The following EXTL3 variants were observed in gnomAD, a reference collection of about 807,000 sequenced individuals.
EXTL3 encodes the protein exostosin-like 3.
Under a neutral mutation model 69.3 loss-of-function variants are expected in EXTL3, and 27 were observed. The ratio of observed to expected loss-of-function variants is 0.39; its 90% CI spans 0.29 to 0.54. The LOEUF (loss-of-function observed/expected upper bound fraction) is 0.54. Ranked by LOEUF, EXTL3 falls within the 20% of genes least tolerant of loss-of-function variation. The pLI is 0.69. For missense variants in EXTL3, 1,003 were observed against 1,231.8 expected (o/e 0.81, Z 2.78); for synonymous variants, 511 against 499.4 (o/e 1.02, Z -0.31).
At chr8:28,719,030 T>C (rs1231165434) in intron 3 of EXTL3, among the ~76,000 whole-genome samples, 1 of 152,188 alleles carries the variant, frequency 6.6e-6, no homozygotes, top group African/African-American at 2.4e-5. Flanking sequence ...AGAGCAGGTC[T>C]TAAGCAGACT....
chr8:28,728,216 T>TA (rs1249298629), intron 3 of EXTL3, among the ~76,000 whole-genome samples: 1 of 152,240 alleles, frequency 6.6e-6, no homozygotes, highest in Admixed American at 6.5e-5. Flanking sequence ...AGATGTGTCT[T>TA]ACAATGGATG....
intron 1 of EXTL3, among the ~76,000 whole-genome samples, chr8:28,680,736 C>T (rs1807475063): frequency 6.6e-6 from 1 of 152,320 alleles, no homozygotes; most frequent in Admixed American, 6.5e-5. Flanking sequence ...TCCTCACAAC[C>T]ACCATTCTAT....
At chr8:28,746,962 C>G (rs1801901182) in intron 6 of EXTL3, among the ~76,000 whole-genome samples, 1 of 152,014 alleles carries the variant, frequency 6.6e-6, no homozygotes, top group Non-Finnish European at 1.5e-5. Flanking sequence ...GTGTGAGCCA[C>G]CGCACCCAGC....
upstream of EXTL3, among the ~76,000 whole-genome samples, chr8:28,622,537 C>T (rs986318028): frequency 1.7e-5 from 2 of 116,902 alleles, no homozygotes; most frequent in Non-Finnish European, 3.4e-5. Flanking sequence ...AGGAAAGGGC[C>T]GGGAGCCGAC....
intron 3 of EXTL3, among the ~76,000 whole-genome samples, chr8:28,725,745 A>C (rs2130760034): frequency 6.6e-6 from 1 of 152,316 alleles, no homozygotes; most frequent in East Asian, 1.9e-4. Flanking sequence ...TCTAATAGCA[A>C]TATGCTGTAG....
upstream of EXTL3, among the ~76,000 whole-genome samples, chr8:28,622,473 A>C (rs1806427272): frequency 6.6e-6 from 1 of 151,890 alleles, no homozygotes; most frequent in Admixed American, 6.5e-5. Flanking sequence ...TCTTGAACCC[A>C]GCTGCGGGGC....
rs1802093323 is a variant in EXTL3 at position 28,755,192 on chromosome 8, C to A, written c.*4326C>A. 6.6e-6 allele frequency: 1 copy of A among 152,250 alleles called. No individual in the cohort carries two copies. The highest frequency in any genetic ancestry group is 1.5e-5 in the Non-Finnish European group (1 of 68,072). 9.4% of individuals were successfully genotyped at this position (152,250 alleles called of 1,614,324 possible). ...TAAAATAGTGTCCACTTCTTCATGG[C>A]TCTTTCTGCCTTCCGCTAGGTTTGA... On this transcript the variant is annotated 3_prime_UTR_variant, in exon 7 of 7. Coordinates refer to ENST00000220562, the MANE Select transcript of EXTL3 (RefSeq NM_001440.4).
At position 28,715,918 on chromosome 8, in the gene EXTL3, C is replaced by T. The variant is rs1360753463; in HGVS notation, c.-142C>T. ...CTGCAGCTGAGGAAAATGAAATGTTCATTTTATTTGGTGCCTTGTCTGGGG... is the reference window on the plus strand; with the variant it reads ...CTGCAGCTGAGGAAAATGAAATGTTTATTTTATTTGGTGCCTTGTCTGGGG... On this transcript the variant is annotated 5_prime_UTR_variant, in exon 3 of 7. Transcript: ENST00000220562. 3.0e-6 allele frequency: 2 copies of T among 667,548 alleles called. No individual in the cohort carries two copies. Among genetic ancestry groups the T allele is most frequent in the Non-Finnish European group, 5.1e-6 (2 of 393,736 alleles). 41.4% of individuals were successfully genotyped at this position (667,548 alleles called of 1,614,324 possible).
chr8:28,611,168 G>A lies in EXTL3; in HGVS notation n.314+3410G>A, dbSNP rs186808456. Among the ~76,000 whole-genome samples the A allele has an allele frequency of 1.5e-3, 221 of 152,302 alleles. 1 individual carries two copies. Among genetic ancestry groups the A allele is most frequent in the African/African-American group, 5.1e-3 (212 of 41,560 alleles). ...GGGACATTAAAAAACTGATTATTAGGATGGGTGCAGTGGCTCAGGCCTGTA... is the reference window on the plus strand; with the variant it reads ...GGGACATTAAAAAACTGATTATTAGAATGGGTGCAGTGGCTCAGGCCTGTA... On this transcript the variant is annotated intron_variant and non_coding_transcript_variant, in intron 2 of 4. Transcript: ENST00000522725.
chr8:28,735,484 C>A (rs1801631650), intron 4 of EXTL3, among the ~76,000 whole-genome samples: 4 of 152,134 alleles, frequency 2.6e-5, no homozygotes, highest in African/African-American at 9.7e-5. Context: ...TAATGGGAAG[C>A]CTTTTAATGT....
At chr8:28,683,138 T>C (rs1238136321) in intron 1 of EXTL3, among the ~76,000 whole-genome samples, 3 of 152,220 alleles carry the variant, frequency 2.0e-5, no homozygotes, top group Non-Finnish European at 2.9e-5. Context: ...TTCATAGCAG[T>C]ACCATGCTAT....
intron 4 of EXTL3, among the ~76,000 whole-genome samples, chr8:28,733,651 G>C (rs1255324294): frequency 6.7e-6 from 1 of 149,690 alleles, no homozygotes; most frequent in African/African-American, 2.5e-5. Flanking sequence ...CCCAAGTGCT[G>C]GGATTACAGG....
rs1475394558 is a variant in EXTL3, at chr8:28,754,461, T to C, written c.*3595T>C. On this transcript the variant is annotated 3_prime_UTR_variant, in exon 7 of 7. Transcript: ENST00000220562. ...GGGGTTCACGACTGATCAGGCAAGT[T>C]TGCAGCAGCTGATGGGTGAGATGTC... 3 of 152,352 alleles carry C rather than the reference T, an allele frequency of 2.0e-5. No homozygotes were observed. The highest frequency in any genetic ancestry group is 7.2e-5 in the African/African-American group (3 of 41,450). 9.4% of individuals were successfully genotyped at this position (152,352 alleles called of 1,614,324 possible). A position where few individuals can be genotyped will look rare whatever the true frequency, so the allele number is the denominator to read the frequency against.
chr8:28,710,858 A>G (rs956035126), intron 1 of EXTL3, among the ~76,000 whole-genome samples: 3 of 151,818 alleles, frequency 2.0e-5, no homozygotes, highest in African/African-American at 7.2e-5. Flanking sequence ...TTATTTTGGT[A>G]CTGTCTTTGT....
intron 4 of EXTL3, among the ~76,000 whole-genome samples, chr8:28,734,598 G>C (rs1486056198): frequency 6.6e-6 from 1 of 152,206 alleles, no homozygotes; most frequent in Non-Finnish European, 1.5e-5. Context: ...TGTAATCCCA[G>C]CTACTCAGGA....
At chr8:28,713,436 T>C (rs1220067857) in intron 1 of EXTL3, 21 bp from the exon 2 acceptor site, 2 of 674,118 alleles carry the variant, frequency 3.0e-6, no homozygotes, top group Admixed American at 4.9e-5. Flanking sequence ...TTTTTGTTTT[T>C]TGTTTTTTTT....
intron 1 of EXTL3, among the ~76,000 whole-genome samples, chr8:28,625,918 T>C (rs1468623753): frequency 1.4e-5 from 2 of 146,056 alleles, no homozygotes; most frequent in Non-Finnish European, 3.0e-5. Flanking sequence ...CCCAGCACTT[T>C]GGGAGGCCAA....
At chr8:28,676,990 T>C (rs1807395144) in intron 1 of EXTL3, among the ~76,000 whole-genome samples, 1 of 152,076 alleles carries the variant, frequency 6.6e-6, no homozygotes, top group Non-Finnish European at 1.5e-5. Context: ...GGCTCGTCTC[T>C]TGGCTACAAA....
chr8:28,679,336 C>T (rs970382827), intron 1 of EXTL3, among the ~76,000 whole-genome samples: 1 of 152,080 alleles, frequency 6.6e-6, no homozygotes, highest in African/African-American at 2.4e-5. Context: ...GTCCCAGCTA[C>T]TCGGGAGGCT....
Sources: allele counts gnomAD v4.1 joint callset (sites outside exome capture counted in the v4.1 genomes callset), GRCh38; gene constraint gnomAD v4.1.1; transcripts MANE v1.5; gene names NCBI Gene and HGNC (gene_info 2026-07-23, HGNC 2026-07-21).